Variants in NYAP2 observed in about 807,000 individuals in gnomAD.
NYAP2 encodes neuronal tyrosine-phosphorylated phosphoinositide-3-kinase adaptor 2.
In NYAP2, 23 loss-of-function variants were observed where a neutral mutation model predicts 50.4. The observed-to-expected ratio is 0.46, with a 90% CI of 0.33 to 0.65. The LOEUF (loss-of-function observed/expected upper bound fraction) is 0.65. NYAP2 is among the 30% of genes least tolerant of loss of function. NYAP2 has a pLI of 0.02. For missense variants in NYAP2, 885 were observed against 861.0 expected, an observed-to-expected ratio of 1.03 and a Z score of -0.35; for synonymous variants, 394 against 365.2, an observed-to-expected ratio of 1.08 and a Z score of -0.90.
intron 4 of NYAP2, among the ~76,000 whole-genome samples, chr2:225,544,974 TA>T (rs1691546009): frequency 6.6e-6 from 1 of 152,158 alleles, no homozygotes; most frequent in Non-Finnish European, 1.5e-5. Context: ...GGGTAAAAGT[TA>T]TTTTTTTTCC....
At chr2:225,550,564 G>T (rs1185179788) in intron 4 of NYAP2, among the ~76,000 whole-genome samples, 1 of 152,146 alleles carries the variant, frequency 6.6e-6, no homozygotes, top group Admixed American at 6.6e-5. Flanking sequence ...TGAGACAGTT[G>T]CCCATAAAAA....
intron 4 of NYAP2, among the ~76,000 whole-genome samples, chr2:225,531,548 G>A (rs1347607547): frequency 3.9e-5 from 6 of 152,192 alleles, no homozygotes. Flanking sequence ...GCCTACTGCA[G>A]ACGTGGGCTT....
intron 5 of NYAP2, among the ~76,000 whole-genome samples, chr2:225,610,195 G>A (rs1009974127): frequency 2.0e-5 from 3 of 152,114 alleles, no homozygotes; most frequent in Non-Finnish European, 2.9e-5. Flanking sequence ...TGGACTGGGT[G>A]GGGTAAACAG....
the NYAP2 span, among the ~76,000 whole-genome samples, chr2:225,672,647 C>T: frequency 6.6e-6 from 1 of 152,132 alleles, no homozygotes; most frequent in African/African-American, 2.4e-5. Flanking sequence ...TGACTTTTGA[C>T]TTGCCTTCTT....
At chr2:225,629,991 G>A (rs559273923) in intron 6 of NYAP2, among the ~76,000 whole-genome samples, 2 of 152,112 alleles carry the variant, frequency 1.3e-5, no homozygotes, top group Non-Finnish European at 1.5e-5. Context: ...AGTAATAATC[G>A]GGAACTTTTG....
intron 4 of NYAP2, among the ~76,000 whole-genome samples, chr2:225,545,461 G>A (rs555602166): frequency 6.6e-6 from 1 of 151,744 alleles, no homozygotes; most frequent in Non-Finnish European, 1.5e-5. Context: ...GATCAATTCT[G>A]CTATTAAGTG....
intron 5 of NYAP2, among the ~76,000 whole-genome samples, chr2:225,591,708 G>A (rs1421941253): frequency 2.0e-5 from 3 of 152,030 alleles, no homozygotes; most frequent in African/African-American, 2.4e-5. Context: ...TTCGAACCCC[G>A]ATTATTTGGC....
chr2:225,483,415 T>C (rs1298998992), intron 3 of NYAP2, among the ~76,000 whole-genome samples: 1 of 152,206 alleles, frequency 6.6e-6, no homozygotes, highest in African/African-American at 2.4e-5. Context: ...ATCCCTGCCC[T>C]GGTTTGAGCA....
chr2:225,674,644 C>CT, the NYAP2 span, among the ~76,000 whole-genome samples: 6 of 152,080 alleles, frequency 3.9e-5, no homozygotes, highest in Non-Finnish European at 7.4e-5. Flanking sequence ...TGTCATTAGT[C>CT]TGTTGATTTT....
intron 3 of NYAP2, among the ~76,000 whole-genome samples, chr2:225,453,423 G>T (rs1220441532): frequency 6.6e-6 from 1 of 152,080 alleles, no homozygotes; most frequent in African/African-American, 2.4e-5. Flanking sequence ...GCTTCCCAGT[G>T]ATGCCAATCC....
chr2:225,473,040 T>C (rs984780611), intron 3 of NYAP2, among the ~76,000 whole-genome samples: 2 of 152,202 alleles, frequency 1.3e-5, no homozygotes, highest in African/African-American at 4.8e-5. Context: ...TTCCCACATA[T>C]GAGTGAGAAC....
At chr2:225,523,065 T>A (rs1691094645) in intron 4 of NYAP2, among the ~76,000 whole-genome samples, 1 of 151,984 alleles carries the variant, frequency 6.6e-6, no homozygotes, top group South Asian at 2.1e-4. Context: ...AACTTACAGG[T>A]TTCCCAGATT....
chr2:225,579,556 C>T (rs550887398), intron 4 of NYAP2, among the ~76,000 whole-genome samples: 18 of 152,320 alleles, frequency 1.2e-4, no homozygotes, highest in African/African-American at 4.3e-4. Flanking sequence ...AACGAAATGG[C>T]ATTTGCTCAC....
chr2:225,473,268 T>C (rs1690042780), intron 3 of NYAP2, among the ~76,000 whole-genome samples: 1 of 152,212 alleles, frequency 6.6e-6, no homozygotes, highest in Non-Finnish European at 1.5e-5. Context: ...ACAATAAACA[T>C]ACGTGTGCAT....
At chr2:225,422,936 G>A (rs1574606874) in intron 3 of NYAP2, among the ~76,000 whole-genome samples, 1 of 152,170 alleles carries the variant, frequency 6.6e-6, no homozygotes, top group Non-Finnish European at 1.5e-5. Context: ...ATAAACAGAT[G>A]TTATTAAAAG....
the NYAP2 span, among the ~76,000 whole-genome samples, chr2:225,677,339 G>T: frequency 6.6e-6 from 1 of 152,046 alleles, no homozygotes; most frequent in African/African-American, 2.4e-5. Flanking sequence ...CCTATGCATA[G>T]AATCATATCT....
chr2:225,528,478 T>C (rs1163663050), intron 4 of NYAP2, among the ~76,000 whole-genome samples: 1 of 152,136 alleles, frequency 6.6e-6, no homozygotes, highest in African/African-American at 2.4e-5. Context: ...TGTGAGAAAA[T>C]ACACTCTTTA....
At chr2:225,521,142 G>C (rs538005847) in intron 4 of NYAP2, among the ~76,000 whole-genome samples, 2 of 146,372 alleles carry the variant, frequency 1.4e-5, no homozygotes, top group African/African-American at 2.7e-5. Flanking sequence ...AGACTTTGCT[G>C]AAGTTGCTTA....
chr2:225,533,765 TA>T (rs2106198816), intron 4 of NYAP2, among the ~76,000 whole-genome samples: 1 of 152,286 alleles, frequency 6.6e-6, no homozygotes, highest in Admixed American at 6.5e-5. Flanking sequence ...TCTGCTCCCA[TA>T]AATTAAATAG....
Sources: allele counts gnomAD v4.1 joint callset (sites outside exome capture counted in the v4.1 genomes callset), GRCh38; gene constraint gnomAD v4.1.1; transcripts MANE v1.5; gene names NCBI Gene and HGNC (gene_info 2026-07-23, HGNC 2026-07-21).